Variants in PBX2 observed in about 807,000 individuals in gnomAD.
The protein encoded by PBX2 is pre-B-cell leukemia transcription factor 2.
A neutral mutation model predicts 46.5 loss-of-function variants in PBX2; 10 were observed. The ratio of observed to expected loss-of-function variants is 0.21; its 90% CI spans 0.13 to 0.36. The LOEUF is 0.36. Among genes scored for constraint, PBX2 ranks in the 10% least tolerant of loss-of-function variants. PBX2 has a pLI of 1.00. For synonymous variants in PBX2, 160 were observed against 222.5 expected, an observed-to-expected ratio of 0.72 and a Z score of 2.50; for missense variants, 392 against 580.5, an observed-to-expected ratio of 0.68 and a Z score of 3.34.
rs1378823567 is a variant in PBX2, at chr6:32,188,733, C to T, written c.285G>A (p.Lys95=). 1.2e-6 allele frequency: 2 copies of T among 1,612,972 alleles called. No individual in the cohort carries two copies. Among genetic ancestry groups the T allele is most frequent in the Non-Finnish European group, 8.5e-7 (1 of 1,179,990 alleles). The stretch of plus-strand genomic sequence containing the variant: ...GGGGGGCCCACATACCAGTTTTCTC[C>T]TTGATTTCACACAGGACGCTAAAGA... ...PALFSVLCEI[K]EKTGLSIRSS... is the part of the protein sequence containing the mutation. Residue 95 remains lysine (K), a synonymous_variant, in exon 2 of 9, where the codon AAG becomes AAA. Transcript: ENST00000375050. This position sits in a 1 kb window ranked among gnomAD's most constrained non-coding sequence, Gnocchi z 6.5.
At position 32,186,552 on chromosome 6, in the gene PBX2, G is replaced by A. The variant is rs1357218206; in HGVS notation, c.1200+52C>T. The A allele has an allele frequency of 1.3e-6, 2 of 1,558,812 alleles. No homozygotes were observed. Among genetic ancestry groups the A allele is most frequent in the Non-Finnish European group, 1.8e-6 (2 of 1,129,806 alleles). On this transcript the variant is annotated intron_variant, in intron 8 of 8. Transcript: ENST00000375050. The surrounding 1 kb of genome is among the most constrained non-coding windows in gnomAD (Gnocchi z 4.2). ...TGGGCACAACATTACTAGGGAAAATGCCCCTCTGTCCTGTGAGAACTGGAC... is the reference window on the plus strand; with the variant it reads ...TGGGCACAACATTACTAGGGAAAATACCCCTCTGTCCTGTGAGAACTGGAC...
chr6:32,186,240 G>C lies in PBX2; in HGVS notation c.*142C>G, dbSNP rs1002. On this transcript the variant is annotated 3_prime_UTR_variant, in exon 9 of 9. Transcript: ENST00000375050. The surrounding 1 kb of genome is among the most constrained non-coding windows in gnomAD (Gnocchi z 4.2). ...ATGTAATTAGCACCCCCAGCACAGA[G>C]AGTCTCGTTAGGGAGGGGATGACCC... The C allele has an allele frequency of 3.1e-6, 2 of 636,384 alleles. No homozygotes were observed. The highest frequency in any genetic ancestry group is 5.7e-6 in the Non-Finnish European group (2 of 349,586). 39.4% of individuals were successfully genotyped at this position (636,384 alleles called of 1,614,324 possible).
chr6:32,189,782 G>C lies in PBX2; in HGVS notation c.134C>G (p.Pro45Arg). Residue 45 changes from proline (P) to arginine (R), a missense_variant, in exon 1 of 9, where the codon CCG becomes CGG. Pro to Arg is a moderately radical substitution (Grantham distance 103). Coordinates refer to ENST00000375050, the MANE Select transcript of PBX2 (RefSeq NM_002586.5). The surrounding 1 kb of genome is among the most constrained non-coding windows in gnomAD (Gnocchi z 4.7). ...GATGTCTTGCTTCCCTCGGCCTCCC[G>C]GGACCCCCCCGCTACCCCCACCGGG... ...GDPGGGSGGV[P>R]GGRGKQDIGD... 2 of 1,603,566 alleles carry C rather than the reference G, an allele frequency of 1.2e-6. No individual in the cohort carries two copies. Among genetic ancestry groups the C allele is most frequent in the African/African-American group, 2.7e-5 (2 of 74,214 alleles).
Position 32,188,685 on chromosome 6 carries a change from G to A in PBX2, c.295+38C>T. 1.9e-6 allele frequency: 3 copies of A among 1,603,742 alleles called. No individual in the cohort carries two copies. The highest frequency in any genetic ancestry group is 2.6e-6 in the Non-Finnish European group (3 of 1,171,616). On this transcript the variant is annotated intron_variant, in intron 2 of 8. Transcript: ENST00000375050. This position sits in a 1 kb window ranked among gnomAD's most constrained non-coding sequence, Gnocchi z 6.5. ...CTAGCCCTATAATGAACAGGGTTCTGTTCCCAGAGTTGAGCAATCCGGGGG... is the reference window on the plus strand; with the variant it reads ...CTAGCCCTATAATGAACAGGGTTCTATTCCCAGAGTTGAGCAATCCGGGGG...
In PBX2 at chr6:32,189,995, G is replaced by A. The variant is rs1787362067; in HGVS notation, c.-80C>T. On this transcript the variant is annotated 5_prime_UTR_variant, in exon 1 of 9. Transcript: ENST00000375050. This position sits in a 1 kb window ranked among gnomAD's most constrained non-coding sequence, Gnocchi z 4.7. ...TTACTTCTCCCCCCAAACTCGCTGG[G>A]GCCGCTGCTCCCTCCGCCCCAACCC... 1 of 624,168 alleles carries A rather than the reference G, an allele frequency of 1.6e-6. No homozygotes were observed. Among genetic ancestry groups the A allele is most frequent in the Admixed American group, 4.0e-5 (1 of 25,196 alleles). 38.7% of individuals were successfully genotyped at this position (624,168 alleles called of 1,614,324 possible).
chr6:32,187,082 C>A lies in PBX2; in HGVS notation c.1024+160G>T, dbSNP rs1462958756. The A allele has an allele frequency of 3.8e-6, 4 of 1,055,498 alleles. No individual in the cohort carries two copies. The highest frequency in any genetic ancestry group is 3.2e-5 in the African/African-American group (2 of 62,798). 65.4% of individuals were successfully genotyped at this position (1,055,498 alleles called of 1,614,324 possible). A position where few individuals can be genotyped will look rare whatever the true frequency, so the allele number is the denominator to read the frequency against. ...GTGGGAAGAAAGGCAGAACTAAGAT[C>A]ACTGGAATGGCCTCTGTCCCCTGAC... On this transcript the variant is annotated intron_variant, in intron 6 of 8. Transcript: ENST00000375050. The surrounding 1 kb of genome is among the most constrained non-coding windows in gnomAD (Gnocchi z 7.7).
chr6:32,189,386 C>G lies in PBX2; in HGVS notation c.221+309G>C, dbSNP rs1490543942. Among the ~76,000 whole-genome samples the G allele has an allele frequency of 2.6e-5, 4 of 151,932 alleles. No individual in the cohort carries two copies. The highest frequency in any genetic ancestry group is 2.4e-5 in the African/African-American group (1 of 41,348). ...GGGAGAAGATAACGTAGCCCAAGAA[C>G]AGTTTCTTAGTCTGGGAGCCAGAGG... On this transcript the variant is annotated intron_variant, in intron 1 of 8. Transcript: ENST00000375050. This position sits in a 1 kb window ranked among gnomAD's most constrained non-coding sequence, Gnocchi z 4.7.
rs1399865978 is a variant in PBX2, at chr6:32,189,848, C to A, written c.68G>T (p.Gly23Val). ...GGRGGLGLVSGEPGGPGEPPG... is the reference protein window; with the variant it reads ...GGRGGLGLVSVEPGGPGEPPG... ...AGGCTCGCCAGGGCCCCCAGGCTCC[C>A]CACTCACCAATCCCAGGCCCCCCCG... The change falls in exon 1 of 9, where the codon GGG becomes GTG. Residue 23 changes from glycine to valine, a missense_variant. Around this residue, in one of 3 missense-constraint regions of PBX2, gnomAD observed 196 missense variants for 246.9 expected, o/e 0.79. Coordinates refer to ENST00000375050, the MANE Select transcript of PBX2 (RefSeq NM_002586.5). The surrounding 1 kb of genome is among the most constrained non-coding windows in gnomAD (Gnocchi z 4.7). 3 of 1,569,962 alleles carry A rather than the reference C, an allele frequency of 1.9e-6. No individual in the cohort carries two copies. The highest frequency in any genetic ancestry group is 2.6e-6 in the Non-Finnish European group (3 of 1,156,480).
chr6:32,186,801 T>A lies in PBX2; in HGVS notation c.1113+12A>T, dbSNP rs375923856. On this transcript the variant is annotated intron_variant, in intron 7 of 8. Coordinates refer to ENST00000375050, the MANE Select transcript of PBX2 (RefSeq NM_002586.5). The surrounding 1 kb of genome is among the most constrained non-coding windows in gnomAD (Gnocchi z 4.2). ...GGGGAAAGCCCTATTCGAGAGGAGA[T>A]GGGCATCTGACCTGGGAAGCAGAAT... is the stretch of plus-strand genomic sequence containing the variant. The A allele has an allele frequency of 6.2e-7, 1 of 1,611,516 alleles. No individual in the cohort carries two copies. Among genetic ancestry groups the A allele is most frequent in the Non-Finnish European group, 8.5e-7 (1 of 1,177,632 alleles).
Position 32,187,965 on chromosome 6 carries a change from C to G in PBX2, c.734+1G>C. 6.5e-7 allele frequency: 1 copy of G among 1,542,346 alleles called. No homozygotes were observed. The highest frequency in any genetic ancestry group is 8.8e-7 in the Non-Finnish European group (1 of 1,140,806). ...GGCCAGCCTGGGGTCCCTGGGCCCACCTGGCATCCAGGAAACGGGAGCGCA... is the reference window on the plus strand; with the variant it reads ...GGCCAGCCTGGGGTCCCTGGGCCCAGCTGGCATCCAGGAAACGGGAGCGCA... On this transcript the variant is annotated splice_donor_variant, in intron 4 of 8. Coordinates refer to ENST00000375050, the MANE Select transcript of PBX2 (RefSeq NM_002586.5). LOFTEE classifies it high-confidence loss of function. This position sits in a 1 kb window ranked among gnomAD's most constrained non-coding sequence, Gnocchi z 7.7.
At position 32,189,545 on chromosome 6, in the gene PBX2, C is replaced by G. The variant is rs1158605642; in HGVS notation, c.221+150G>C. The G allele has an allele frequency of 1.7e-6, 1 of 592,994 alleles. No individual in the cohort carries two copies. The highest frequency in any genetic ancestry group is 2.0e-5 in the African/African-American group (1 of 50,682). The allele number at this position is 592,994 out of a possible 1,614,324, so 36.7% of individuals were successfully genotyped here. A position where few individuals can be genotyped will look rare whatever the true frequency, so the allele number is the denominator to read the frequency against. ...GGGTGAAGGGAGGTTTGAGAGGGAT[C>G]ACTTTTCTATGGGCTCCCAGGAATA... On this transcript the variant is annotated intron_variant, in intron 1 of 8. Transcript: ENST00000375050. This position sits in a 1 kb window ranked among gnomAD's most constrained non-coding sequence, Gnocchi z 4.7.
In PBX2 at chr6:32,187,734, C is replaced by G; in HGVS notation, c.783G>C (p.Glu261Asp). ...GGTTACTCAGGTGGGAGTAGAAATA[C>G]TCATTTAGGACCTCAGTGGCCTGTT... ...FSKQATEVLNEYFYSHLSNPY... is the reference protein window; with the variant it reads ...FSKQATEVLNDYFYSHLSNPY... Residue 261 changes from glutamate to aspartate, a missense_variant, in exon 5 of 9, where the codon GAG becomes GAC. Physicochemically the swap from Glu to Asp is conservative, Grantham distance 45. Coordinates refer to ENST00000375050, the MANE Select transcript of PBX2 (RefSeq NM_002586.5). The surrounding 1 kb of genome is among the most constrained non-coding windows in gnomAD (Gnocchi z 7.7). 5 of 1,612,180 alleles carry G rather than the reference C, an allele frequency of 3.1e-6. No individual in the cohort carries two copies. The highest frequency in any genetic ancestry group is 4.2e-6 in the Non-Finnish European group (5 of 1,179,710).
chr6:32,189,801 C>A lies in PBX2; in HGVS notation c.115G>T (p.Gly39Trp), dbSNP rs1281179602. 1 of 1,598,142 alleles carries A rather than the reference C, an allele frequency of 6.3e-7. No individual in the cohort carries two copies. Residue 39 changes from glycine (G) to tryptophan (W), a missense_variant, in exon 1 of 9, where the codon GGG (glycine) becomes TGG (tryptophan). Gly to Trp is a radical substitution (Grantham distance 184). Coordinates refer to ENST00000375050, the MANE Select transcript of PBX2 (RefSeq NM_002586.5). The surrounding 1 kb of genome is among the most constrained non-coding windows in gnomAD (Gnocchi z 4.7). The stretch of plus-strand genomic sequence containing the variant: ...CCTCCCGGGACCCCCCCGCTACCCC[C>A]ACCGGGGTCTCCGCCACCGGGAGGC... ...GEPPGGGDPG[G>W]GSGGVPGGRG...
chr6:32,188,773 C>G lies in PBX2; in HGVS notation c.245G>C (p.Arg82Pro). ...QAKKHALNCH[R>P]MKPALFSVLC... The stretch of plus-strand genomic sequence containing the variant: ...GACGCTAAAGAGAGCAGGCTTCATT[C>G]GGTGGCAGTTTAGGGCGTGTTTCCT... The change falls in exon 2 of 9, where the codon CGA (arginine) becomes CCA (proline). Residue 82 changes from arginine to proline, a missense_variant. Arg to Pro is a moderately radical substitution (Grantham distance 103, BLOSUM62 -2). Around this residue, in one of 3 missense-constraint regions of PBX2, gnomAD observed 196 missense variants for 246.9 expected, o/e 0.79. Transcript: ENST00000375050. This position sits in a 1 kb window ranked among gnomAD's most constrained non-coding sequence, Gnocchi z 6.5. 1 of 1,612,912 alleles carries G rather than the reference C, an allele frequency of 6.2e-7. No homozygotes were observed. The highest frequency in any genetic ancestry group is 1.7e-5 in the Admixed American group (1 of 60,008).
Position 32,187,634 on chromosome 6 carries a change from A to G in PBX2, c.870+13T>C, listed in dbSNP as rs773002174. ...ACTTTGCCTGACAACTCCTCCCGCA[A>G]CCTCCATAATACCTGAGACACGGTG... is the stretch of plus-strand genomic sequence containing the variant. On this transcript the variant is annotated intron_variant, in intron 5 of 8. Transcript: ENST00000375050. The surrounding 1 kb of genome is among the most constrained non-coding windows in gnomAD (Gnocchi z 7.7). 8.0e-5 allele frequency: 126 copies of G among 1,584,174 alleles called. No individual in the cohort carries two copies. The highest frequency in any genetic ancestry group is 1.1e-5 in the Non-Finnish European group (13 of 1,164,944).
Position 32,189,612 on chromosome 6 carries a change from G to A in PBX2, c.221+83C>T. On this transcript the variant is annotated intron_variant, in intron 1 of 8. Transcript: ENST00000375050. The surrounding 1 kb of genome is among the most constrained non-coding windows in gnomAD (Gnocchi z 4.7). ...GTTGGATCCTGGAGAGGGCCCTGGA[G>A]TTGGGGGGGGCTCCCAGAAGATTCA... The A allele has an allele frequency of 1.9e-6, 2 of 1,038,128 alleles. No homozygotes were observed. The highest frequency in any genetic ancestry group is 2.9e-6 in the Non-Finnish European group (2 of 684,806). 64.3% of individuals were successfully genotyped at this position (1,038,128 alleles called of 1,614,324 possible). A position where few individuals can be genotyped will look rare whatever the true frequency, so the allele number is the denominator to read the frequency against.
rs751516200 is a variant in PBX2, at chr6:32,188,847, C to T, written c.222-51G>A. 1 of 1,525,914 alleles carries T rather than the reference C, an allele frequency of 6.6e-7. No homozygotes were observed. The highest frequency in any genetic ancestry group is 9.1e-7 in the Non-Finnish European group (1 of 1,101,512). The allele number at this position is 1,525,914 out of a possible 1,614,324, so 94.5% of individuals were successfully genotyped here. Reference sequence around the variant, plus strand: ...GAGAAAAGTTGAGGAGCTAGAGAAACAGAGCAGGGGGCCTGAGAACAAGGA... The same window carrying T: ...GAGAAAAGTTGAGGAGCTAGAGAAATAGAGCAGGGGGCCTGAGAACAAGGA... On this transcript the variant is annotated intron_variant, in intron 1 of 8. Coordinates refer to ENST00000375050, the MANE Select transcript of PBX2 (RefSeq NM_002586.5). This position sits in a 1 kb window ranked among gnomAD's most constrained non-coding sequence, Gnocchi z 6.5.
Position 32,187,012 on chromosome 6 carries a change from T to C in PBX2, c.1025-111A>G. ...TACTATACTCCAATTATCCACAAAA[T>C]AACATTCCAACACACAGAAAGAGCA... On this transcript the variant is annotated intron_variant, in intron 6 of 8. Transcript: ENST00000375050. The surrounding 1 kb of genome is among the most constrained non-coding windows in gnomAD (Gnocchi z 7.7). The C allele has an allele frequency of 8.9e-7, 1 of 1,120,006 alleles. No homozygotes were observed. The highest frequency in any genetic ancestry group is 1.3e-6 in the Non-Finnish European group (1 of 761,906). The allele number at this position is 1,120,006 out of a possible 1,614,324, so 69.4% of individuals were successfully genotyped here.
In PBX2 at chr6:32,189,894, G is replaced by A; in HGVS notation, c.22C>T (p.Pro8Ser). Residue 8 changes from proline (P) to serine (S), a missense_variant, in exon 1 of 9, where the codon CCG becomes TCG. Physicochemically the swap from Pro to Ser is moderately conservative, Grantham distance 74 (BLOSUM62 -1). Around this residue, in one of 3 missense-constraint regions of PBX2, gnomAD observed 196 missense variants for 246.9 expected, o/e 0.79. Transcript: ENST00000375050. This position sits in a 1 kb window ranked among gnomAD's most constrained non-coding sequence, Gnocchi z 4.7. Reference sequence around the variant, plus strand: ...CCCCGGCCCCCGCCTGGAGGGGGCGGCCCCAGTAGCCGTTCGTCCATAGCT... The same window carrying A: ...CCCCGGCCCCCGCCTGGAGGGGGCGACCCCAGTAGCCGTTCGTCCATAGCT... MDERLLG[P>S]PPPGGGRGGL... is the part of the protein sequence containing the mutation. The A allele has an allele frequency of 7.1e-7, 1 of 1,407,224 alleles. No homozygotes were observed. Among genetic ancestry groups the A allele is most frequent in the Non-Finnish European group, 9.4e-7 (1 of 1,068,798 alleles). 87.2% of individuals were successfully genotyped at this position (1,407,224 alleles called of 1,614,324 possible). A position where few individuals can be genotyped will look rare whatever the true frequency, so the allele number is the denominator to read the frequency against.
Sources: gnomAD v4.1 joint callset for allele counts (sites outside exome capture counted in the v4.1 genomes callset) on GRCh38, gnomAD v4.1.1 for gene constraint, gnomAD v4.1.1 regional missense constraint, Gnocchi (gnomAD v3.1) non-coding constraint, MANE v1.5 for transcripts, NCBI Gene and HGNC (gene_info 2026-07-23, HGNC 2026-07-21) for gene names.